Variants in DAG1 observed in about 807,000 individuals in gnomAD.
DAG1 encodes dystroglycan 1, also known as dystroglycan 1 (dystrophin-associated glycoprotein 1).
Under a neutral mutation model 46.1 loss-of-function variants are expected in DAG1, and 8 were observed. That is an observed-to-expected ratio of 0.17 (90% CI 0.10 to 0.31). DAG1 has a LOEUF of 0.31. Among genes scored for constraint, DAG1 ranks in the 10% least tolerant of loss-of-function variants. The pLI, the probability that DAG1 is intolerant of heterozygous loss-of-function variation, is 1.00. For missense variants in DAG1, 1,003 were observed against 1,189.9 expected (o/e 0.84, Z 2.31); for synonymous variants, 495 against 481.8 (o/e 1.03, Z -0.36).
chr3:49,495,050 G>T (rs532348954), intron 1 of DAG1, among the ~76,000 whole-genome samples: 1 of 152,240 alleles, frequency 6.6e-6, no homozygotes, highest in Admixed American at 6.5e-5. Context: ...CAGAGTCAAT[G>T]CTGTCAAGAC....
intron 1 of DAG1, among the ~76,000 whole-genome samples, chr3:49,506,066 G>A (rs527622251): frequency 2.8e-5 from 4 of 143,316 alleles, no homozygotes; most frequent in Non-Finnish European, 3.0e-5. Context: ...TACAACCACC[G>A]CCTCCTGGGT....
intron 2 of DAG1, among the ~76,000 whole-genome samples, chr3:49,519,666 GGGCTGTCAGAAT>G (rs2050980499): frequency 6.6e-6 from 1 of 152,092 alleles, no homozygotes; most frequent in South Asian, 2.1e-4. Context: ...CCTTGGGGGT[GGGCTGTCAGAAT>G]GGCATTTGCC....
intron 1 of DAG1, among the ~76,000 whole-genome samples, chr3:49,478,079 C>T (rs1184446248): frequency 6.6e-6 from 1 of 151,366 alleles, no homozygotes; most frequent in East Asian, 1.9e-4. Flanking sequence ...CCAGCCTGGT[C>T]GACATGGTAA....
chr3:49,481,834 C>A (rs2049889252), intron 1 of DAG1, among the ~76,000 whole-genome samples: 1 of 152,144 alleles, frequency 6.6e-6, no homozygotes, highest in Non-Finnish European at 1.5e-5. Flanking sequence ...CAAACAAGCA[C>A]CTCTTATAGA....
intron 2 of DAG1, among the ~76,000 whole-genome samples, chr3:49,529,266 C>T (rs1003242300): frequency 6.6e-6 from 1 of 152,144 alleles, no homozygotes; most frequent in Non-Finnish European, 1.5e-5. Context: ...TGCCTGCTGG[C>T]CTCAAGCAAT....
chr3:49,494,464 C>A (rs185473868), intron 1 of DAG1, among the ~76,000 whole-genome samples: 1 of 152,144 alleles, frequency 6.6e-6, no homozygotes, highest in East Asian at 1.9e-4. Flanking sequence ...CCAGCCAGCA[C>A]ACTTTTTCTA....
intron 1 of DAG1, among the ~76,000 whole-genome samples, chr3:49,508,847 T>C (rs1412295160): frequency 6.6e-6 from 1 of 152,208 alleles, no homozygotes; most frequent in African/African-American, 2.4e-5. Flanking sequence ...TCAAAGCATT[T>C]TTCTAAGCCT....
chr3:49,519,626 C>T (rs143060618), intron 2 of DAG1, among the ~76,000 whole-genome samples: 44 of 152,164 alleles, frequency 2.9e-4, no homozygotes, highest in African/African-American at 9.6e-4. Context: ...CAAAGCACAC[C>T]GGGAAATGCG....
rs559600650 is a variant in DAG1, at chr3:49,501,633, G to A, written c.-116-8786G>A. On this transcript the variant is annotated intron_variant, in intron 1 of 2. Coordinates refer to ENST00000308775, the MANE Select transcript of DAG1 (RefSeq NM_004393.6). The stretch of plus-strand genomic sequence containing the variant: ...TCAAGACCAGCCTGGCCAACATGGC[G>A]AAACTCTGTCTCCACTAAAAAATAC... Among the ~76,000 whole-genome samples the A allele has an allele frequency of 1.4e-3, 209 of 152,144 alleles. 5 individuals carry two copies. In the South Asian group the frequency reaches 0.041, roughly 30 times the overall value.
chr3:49,520,248 G>A (rs1481070790), intron 2 of DAG1, among the ~76,000 whole-genome samples: 1 of 152,238 alleles, frequency 6.6e-6, no homozygotes, highest in African/African-American at 2.4e-5. Flanking sequence ...AGGCCACAGA[G>A]CAGATTTATC....
intron 1 of DAG1, among the ~76,000 whole-genome samples, chr3:49,474,609 A>G (rs941825904): frequency 1.3e-5 from 2 of 151,544 alleles, no homozygotes; most frequent in Non-Finnish European, 2.9e-5. Context: ...GCCTCCCAAA[A>G]TGCTAGGATT....
At chr3:49,478,210 G>A (rs2049742130) in intron 1 of DAG1, among the ~76,000 whole-genome samples, 1 of 147,642 alleles carries the variant, frequency 6.8e-6, no homozygotes. Flanking sequence ...GGAGGCAGAG[G>A]TTGCAGTGAG....
chr3:49,522,037 A>T (rs1487612534), intron 2 of DAG1, among the ~76,000 whole-genome samples: 3 of 143,322 alleles, frequency 2.1e-5, no homozygotes, highest in East Asian at 4.0e-4. Context: ...ACTTTATTTT[A>T]TTTTTTTTTG....
Position 49,513,255 on chromosome 3 carries a change from C to T in DAG1, c.285+2436C>T, listed in dbSNP as rs550163936. 1.8e-3 allele frequency among the ~76,000 whole-genome samples: 278 copies of T among 152,198 alleles called. 1 individual carries two copies. The highest frequency in any genetic ancestry group is 6.4e-3 in the African/African-American group (267 of 41,540). ...CTTAGCTGGGGCTGTTGGTCAGTGT[C>T]CTTGATTCCTCTTCATGTAGACCTC... On this transcript the variant is annotated intron_variant, in intron 2 of 2. Coordinates refer to ENST00000308775, the MANE Select transcript of DAG1 (RefSeq NM_004393.6).
At position 49,534,188 on chromosome 3, in the gene DAG1, T is replaced by C. The variant is rs1392881506; in HGVS notation, c.*989T>C. 3.4e-5 allele frequency: 5 copies of C among 147,450 alleles called. No homozygotes were observed. The highest frequency in any genetic ancestry group is 7.5e-5 in the African/African-American group (3 of 40,006). The allele number at this position is 147,450 out of a possible 1,614,324, so 9.1% of individuals were successfully genotyped here. The stretch of plus-strand genomic sequence containing the variant: ...TGTTTTACCCTTTTTCTGTGCATTG[T>C]TTTTTTTTTTCCTCCTAAAAGGAAT... On this transcript the variant is annotated 3_prime_UTR_variant, in exon 3 of 3. Coordinates refer to ENST00000308775, the MANE Select transcript of DAG1 (RefSeq NM_004393.6).
At chr3:49,502,851 C>A (rs1013085775) in intron 1 of DAG1, among the ~76,000 whole-genome samples, 3 of 152,086 alleles carry the variant, frequency 2.0e-5, no homozygotes, top group Non-Finnish European at 4.4e-5. Flanking sequence ...GTTGGCCAGG[C>A]TGGTCTCGAA....
In DAG1 at chr3:49,532,783, G is replaced by A; in HGVS notation, c.2272G>A (p.Val758Met). The change falls in exon 3 of 3, where the codon GTG becomes ATG. Residue 758 changes from valine to methionine, a missense_variant. Val to Met is a conservative substitution (Grantham distance 21). Coordinates refer to ENST00000308775, the MANE Select transcript of DAG1 (RefSeq NM_004393.6). This position sits in a 1 kb window ranked among gnomAD's most constrained non-coding sequence, Gnocchi z 5.4. Reference sequence around the variant, plus strand: ...CTACCTGCACACAGTCATTCCGGCCGTGGTGGTCGCAGCCATCCTGCTCAT... The same window carrying A: ...CTACCTGCACACAGTCATTCCGGCCATGGTGGTCGCAGCCATCCTGCTCAT... Reference protein sequence around the residue: ...DVYLHTVIPAVVVAAILLIAG... With the variant: ...DVYLHTVIPAMVVAAILLIAG... 4 of 1,614,106 alleles carry A rather than the reference G, an allele frequency of 2.5e-6. No individual in the cohort carries two copies. Among genetic ancestry groups the A allele is most frequent in the Middle Eastern group, 1.6e-4 (1 of 6,062 alleles).
chr3:49,483,200 CTT>C (rs759272369), intron 1 of DAG1, among the ~76,000 whole-genome samples: 7 of 136,768 alleles, frequency 5.1e-5, no homozygotes, highest in Non-Finnish European at 1.6e-5. Flanking sequence ...GGTAGGTCAT[CTT>C]TTTTTTTTTT....
chr3:49,489,070 G>A (rs1559552649), intron 1 of DAG1, among the ~76,000 whole-genome samples: 1 of 151,566 alleles, frequency 6.6e-6, no homozygotes, highest in African/African-American at 2.4e-5. Context: ...TGTGGTGTTG[G>A]AATTTATTTT....
Sources: allele counts gnomAD v4.1 joint callset (sites outside exome capture counted in the v4.1 genomes callset), GRCh38; gene constraint gnomAD v4.1.1; non-coding constraint Gnocchi (gnomAD v3.1); transcripts MANE v1.5; gene names NCBI Gene and HGNC (gene_info 2026-07-23, HGNC 2026-07-21).